The following PCSK6 variants were observed in gnomAD, a reference collection of about 807,000 sequenced individuals.
PCSK6 encodes the protein proprotein convertase subtilisin/kexin type 6.
In PCSK6, 85 loss-of-function variants were observed where a neutral mutation model predicts 123.3. The observed-to-expected ratio is 0.69, with a 90% CI of 0.58 to 0.83. PCSK6 has a LOEUF of 0.83. Among genes scored for constraint, PCSK6 ranks in the 40% least tolerant of loss-of-function variants. PCSK6 has a pLI of 0.00. For missense variants in PCSK6, 1,191 were observed against 1,282.3 expected (o/e 0.93, Z 1.09); for synonymous variants, 508 against 516.0 (o/e 0.98, Z 0.21).
chr15:101,402,761 T>G (rs1345891042), intron 6 of PCSK6, among the ~76,000 whole-genome samples: 2 of 152,124 alleles, frequency 1.3e-5, no homozygotes, highest in Non-Finnish European at 2.9e-5. Context: ...CATTAAAAAG[T>G]CAGGAAACAA....
At chr15:101,444,108 A>G (rs1285990096) in intron 1 of PCSK6, among the ~76,000 whole-genome samples, 2 of 152,122 alleles carry the variant, frequency 1.3e-5, no homozygotes, top group Non-Finnish European at 2.9e-5. Context: ...AAGAATGAAC[A>G]CTCACTCTCC....
Position 101,448,951 on chromosome 15 carries a change from A to G in PCSK6, c.298-5291T>C, listed in dbSNP as rs942804131. 5.3e-5 allele frequency among the ~76,000 whole-genome samples: 8 copies of G among 152,286 alleles called. No homozygotes were observed. In the South Asian group the frequency reaches 1.7e-3, roughly 32 times the overall value. ...TGTCTGTATACGAGTGTGTGTGCATATGTGTGGATGTATAGAATGTGTGAG... is the reference window on the plus strand; with the variant it reads ...TGTCTGTATACGAGTGTGTGTGCATGTGTGTGGATGTATAGAATGTGTGAG... On this transcript the variant is annotated intron_variant, in intron 1 of 21. Coordinates refer to ENST00000611716, the MANE Select transcript of PCSK6 (RefSeq NM_002570.5).
intron 1 of PCSK6, among the ~76,000 whole-genome samples, chr15:101,453,741 C>G (rs1425627751): frequency 6.6e-6 from 1 of 152,216 alleles, no homozygotes. Flanking sequence ...AGGAGGCCCA[C>G]TGTTTACTTT....
intron 1 of PCSK6, among the ~76,000 whole-genome samples, chr15:101,478,122 C>CT (rs1333151971): frequency 2.0e-5 from 3 of 152,186 alleles, no homozygotes; most frequent in African/African-American, 7.2e-5. Flanking sequence ...GACACAGACT[C>CT]TGTCTATGAG....
At chr15:101,437,489 C>T (rs2056635049) in intron 2 of PCSK6, among the ~76,000 whole-genome samples, 1 of 152,162 alleles carries the variant, frequency 6.6e-6, no homozygotes, top group South Asian at 2.1e-4. Context: ...ACCACCACCT[C>T]CCGTGTCATC....
intron 9 of PCSK6, among the ~76,000 whole-genome samples, 162 bp from the exon 10 acceptor site, chr15:101,384,587 T>A (rs1460290974): frequency 1.3e-5 from 2 of 152,182 alleles, no homozygotes; most frequent in East Asian, 3.9e-4. Flanking sequence ...CACCACCTCT[T>A]TGTAAACAAG....
chr15:101,330,456 C>G (rs1287842686), intron 15 of PCSK6, among the ~76,000 whole-genome samples: 2 of 152,236 alleles, frequency 1.3e-5, no homozygotes, highest in African/African-American at 2.4e-5. Context: ...GCATTGGACT[C>G]TAACGTGGCT....
chr15:101,454,399 C>A (rs1012437499), intron 1 of PCSK6, among the ~76,000 whole-genome samples: 2 of 152,038 alleles, frequency 1.3e-5, no homozygotes, highest in African/African-American at 2.4e-5. Flanking sequence ...TTGAGTGGAT[C>A]GACAAAACCT....
At chr15:101,453,313 C>T (rs1228662198) in intron 1 of PCSK6, among the ~76,000 whole-genome samples, 1 of 152,216 alleles carries the variant, frequency 6.6e-6, no homozygotes, top group Non-Finnish European at 1.5e-5. Context: ...CATACCTCAC[C>T]CCCAGGCAGA....
chr15:101,454,017 T>G (rs1240855907), intron 1 of PCSK6, among the ~76,000 whole-genome samples: 1 of 152,244 alleles, frequency 6.6e-6, no homozygotes, highest in Non-Finnish European at 1.5e-5. Flanking sequence ...GTCTGGCTCC[T>G]GCCAGGCCCC....
intron 6 of PCSK6, among the ~76,000 whole-genome samples, chr15:101,401,683 A>G (rs575110528): frequency 6.6e-6 from 1 of 152,350 alleles, no homozygotes; most frequent in South Asian, 2.1e-4. Context: ...TCATATGTAG[A>G]GGGATGTCAA....
intron 17 of PCSK6, among the ~76,000 whole-genome samples, chr15:101,324,171 G>A (rs962671230): frequency 2.0e-5 from 3 of 152,200 alleles, no homozygotes; most frequent in Non-Finnish European, 4.4e-5. Context: ...TCTGTAGGAC[G>A]AGGAAAACAC....
intron 6 of PCSK6, among the ~76,000 whole-genome samples, chr15:101,412,713 A>ATATATATATATATATAT (rs201205244): frequency 1.5e-4 from 17 of 112,630 alleles, no homozygotes; most frequent in African/African-American, 3.4e-4. Flanking sequence ...ATATATATAT[A>ATATATATATATATATAT]AAATTACCCA....
chr15:101,431,260 T>C, intron 4 of PCSK6, 60 bp downstream of exon 4: 2 of 1,581,074 alleles, frequency 1.3e-6, no homozygotes, highest in Non-Finnish European at 1.7e-6. Flanking sequence ...TAAACTTGCA[T>C]TTACTTAATG....
chr15:101,367,638 A>C (rs1036322132), intron 12 of PCSK6, among the ~76,000 whole-genome samples: 1 of 151,872 alleles, frequency 6.6e-6, no homozygotes, highest in Admixed American at 6.6e-5. Flanking sequence ...GAGGCACATC[A>C]ATGGCTTCTT....
rs1308005658 is a variant in PCSK6, at chr15:101,366,289, T to C, written c.1765A>G (p.Met589Val). Reference sequence around the variant, plus strand: ...TTTTCTCCCCAGCAGTGGACAGTCATGAATTCCCAGTTTGTAAACCCTTCA... The same window carrying C: ...TTTTCTCCCCAGCAGTGGACAGTCACGAATTCCCAGTTTGTAAACCCTTCA... ...SNEGFTNWEF[M>V]TVHCWGEKAE... Residue 589 changes from methionine (M) to valine (V), a missense_variant, in exon 13 of 22, where the codon ATG (methionine) becomes GTG (valine). Around this residue, in one of 3 missense-constraint regions of PCSK6, gnomAD observed 630 missense variants for 631.4 expected, o/e 1.00. Coordinates refer to ENST00000611716, the MANE Select transcript of PCSK6 (RefSeq NM_002570.5). The C allele has an allele frequency of 1.2e-6, 2 of 1,613,546 alleles. No individual in the cohort carries two copies. The highest frequency in any genetic ancestry group is 2.2e-5 in the East Asian group (1 of 44,842).
intron 11 of PCSK6, among the ~76,000 whole-genome samples, chr15:101,373,992 C>T (rs1331649597): frequency 1.3e-5 from 2 of 152,148 alleles, no homozygotes; most frequent in African/African-American, 2.4e-5. Context: ...AGCCATCTTC[C>T]GAGGACGCTA....
intron 13 of PCSK6, among the ~76,000 whole-genome samples, chr15:101,360,074 GC>G (rs1295026960): frequency 1.3e-5 from 2 of 151,940 alleles, no homozygotes; most frequent in African/African-American, 4.8e-5. Context: ...AGTCATCCAT[GC>G]CCCCTCTCTC....
At chr15:101,382,617 G>A (rs780540642) in intron 10 of PCSK6, among the ~76,000 whole-genome samples, 13 of 152,100 alleles carry the variant, frequency 8.5e-5, no homozygotes, top group Non-Finnish European at 1.6e-4. Context: ...CAATTACCAC[G>A]TGCCCGAAAT....
Sources: gnomAD v4.1 joint callset for allele counts (sites outside exome capture counted in the v4.1 genomes callset) on GRCh38, gnomAD v4.1.1 for gene constraint, gnomAD v4.1.1 regional missense constraint, MANE v1.5 for transcripts, NCBI Gene and HGNC (gene_info 2026-07-23, HGNC 2026-07-21) for gene names.